Variants in TRHDE observed in about 807,000 individuals in gnomAD.
TRHDE encodes thyrotropin releasing hormone degrading enzyme, also known as thyrotropin-releasing hormone-degrading ectoenzyme.
A neutral mutation model predicts 125.7 loss-of-function variants in TRHDE; 72 were observed. The observed-to-expected ratio is 0.57, with a 90% CI of 0.47 to 0.70. The LOEUF (loss-of-function observed/expected upper bound fraction) is 0.70, where lower values mean the gene tolerates loss of function less well. Among genes scored for constraint, TRHDE ranks in the 30% least tolerant of loss-of-function variants. The pLI is 0.00. For synonymous variants in TRHDE, 509 were observed against 509.1 expected, an observed-to-expected ratio of 1.00 and a Z score of 0.00; for missense variants, 1,110 against 1,327.1, an observed-to-expected ratio of 0.84 and a Z score of 2.54.
At chr12:72,214,990 C>T (rs1302844541) in intron 2 of TRHDE, among the ~76,000 whole-genome samples, 1 of 152,092 alleles carries the variant, frequency 6.6e-6, no homozygotes, top group East Asian at 1.9e-4. Flanking sequence ...TGAGTGCCTT[C>T]TTTGTGTTAG....
chr12:72,237,167 A>G (rs778696541), intron 2 of TRHDE, among the ~76,000 whole-genome samples: 6 of 152,228 alleles, frequency 3.9e-5, no homozygotes, highest in Admixed American at 2.0e-4. Flanking sequence ...AGATATTATC[A>G]TTCACTTTAC....
intron 2 of TRHDE, among the ~76,000 whole-genome samples, chr12:72,114,820 T>C (rs1321379674): frequency 6.6e-6 from 1 of 152,080 alleles, no homozygotes; most frequent in Non-Finnish European, 1.5e-5. Context: ...TGTTTGTTTC[T>C]GTGGTAATTT....
intron 2 of TRHDE, among the ~76,000 whole-genome samples, chr12:72,164,127 C>A (rs1592465562): frequency 6.8e-6 from 1 of 147,732 alleles, no homozygotes; most frequent in Admixed American, 6.6e-5. Flanking sequence ...AAACAAACAA[C>A]AAAACAACAA....
chr12:72,312,375 A>T (rs1029513681), intron 2 of TRHDE, among the ~76,000 whole-genome samples: 4 of 152,226 alleles, frequency 2.6e-5, no homozygotes, highest in South Asian at 2.1e-4. Flanking sequence ...TTTTCTATAT[A>T]TAGGAGGTTA....
At chr12:72,638,263 C>G (rs1403422243) in intron 15 of TRHDE, among the ~76,000 whole-genome samples, 115 of 150,300 alleles carry the variant, frequency 7.7e-4, no homozygotes, top group African/African-American at 2.6e-3. Context: ...ATGTAATGGC[C>G]TTCTTTGTCT....
chr12:72,096,134 T>TATACACACACAC (rs1555218842), intron 1 of TRHDE, among the ~76,000 whole-genome samples: 2 of 145,100 alleles, frequency 1.4e-5, no homozygotes, highest in African/African-American at 5.1e-5. Flanking sequence ...CTTATGTGTA[T>TATACACACACAC]ACACACACAC....
At chr12:72,131,480 T>A (rs2139308237) in intron 2 of TRHDE, among the ~76,000 whole-genome samples, 1 of 152,264 alleles carries the variant, frequency 6.6e-6, no homozygotes, top group East Asian at 1.9e-4. Context: ...ATAGATTTTT[T>A]TAAAATTATC....
intron 1 of TRHDE, among the ~76,000 whole-genome samples, chr12:72,105,198 A>ACC (rs1875157080): frequency 6.6e-6 from 1 of 152,198 alleles, no homozygotes; most frequent in African/African-American, 2.4e-5. Flanking sequence ...TACATGGTTA[A>ACC]AATTCTGGGT....
chr12:72,178,194 T>A (rs945147067), intron 2 of TRHDE, among the ~76,000 whole-genome samples: 4 of 152,100 alleles, frequency 2.6e-5, no homozygotes, highest in Non-Finnish European at 5.9e-5. Flanking sequence ...AGTATTTACT[T>A]TGACTTAGTT....
intron 2 of TRHDE, among the ~76,000 whole-genome samples, chr12:72,132,294 G>A (rs1452342728): frequency 1.3e-5 from 2 of 152,080 alleles, no homozygotes; most frequent in South Asian, 2.1e-4. Flanking sequence ...AAGAGCTGGG[G>A]TTTCATAGCC....
chr12:72,654,395 AT>A (rs1257663392), intron 17 of TRHDE, among the ~76,000 whole-genome samples: 1 of 152,038 alleles, frequency 6.6e-6, no homozygotes, highest in Non-Finnish European at 1.5e-5. Flanking sequence ...TCCTCTGTCG[AT>A]TTTTTGAATG....
intron 5 of TRHDE, among the ~76,000 whole-genome samples, chr12:72,498,808 C>G (rs1878023644): frequency 6.6e-6 from 1 of 152,120 alleles, no homozygotes; most frequent in South Asian, 2.1e-4. Context: ...TTTCTATTTT[C>G]ATTTCTTCAT....
intron 2 of TRHDE, among the ~76,000 whole-genome samples, chr12:72,191,755 G>A (rs187214935): frequency 1.6e-4 from 24 of 152,084 alleles, no homozygotes; most frequent in Admixed American, 1.2e-3. Context: ...AATGTTTAGA[G>A]ATGTCAACAT....
chr12:72,280,528 G>A (rs993308538), intron 1 of TRHDE, among the ~76,000 whole-genome samples: 3 of 152,044 alleles, frequency 2.0e-5, no homozygotes, highest in African/African-American at 7.3e-5. Context: ...AAAGAAGGTG[G>A]GAAGGAAGAA....
intron 2 of TRHDE, among the ~76,000 whole-genome samples, chr12:72,149,597 T>C (rs1019966229): frequency 2.0e-5 from 3 of 152,020 alleles, no homozygotes; most frequent in African/African-American, 7.2e-5. Context: ...CTTTTTTTTT[T>C]CCCTTCAGAA....
Position 72,312,330 on chromosome 12 carries a change from A to G in TRHDE, c.1188+25376A>G, listed in dbSNP as rs376046793. ...CAGAGCATCAACTTTATGATTATGT[A>G]CAATTGTTCAACAAATAACAGGAAT... On this transcript the variant is annotated intron_variant, in intron 2 of 18. Coordinates refer to ENST00000261180, the MANE Select transcript of TRHDE (RefSeq NM_013381.3). Among the ~76,000 whole-genome samples, 16 of 152,336 alleles carry G rather than the reference A, an allele frequency of 1.1e-4. No individual in the cohort carries two copies. In the South Asian group the frequency reaches 1.7e-3, roughly 16 times the overall value.
chr12:72,441,405 G>A (rs942570974), intron 3 of TRHDE, among the ~76,000 whole-genome samples: 2 of 151,824 alleles, frequency 1.3e-5, no homozygotes, highest in Non-Finnish European at 2.9e-5. Context: ...CCTCCATGAT[G>A]ACTGTCTTGC....
At chr12:72,257,663 A>G (rs1262884585) in intron 2 of TRHDE, 1 of 152,130 alleles carries the variant, frequency 6.6e-6, no homozygotes, top group Non-Finnish European at 1.5e-5. Context: ...TCTTCTTTCT[A>G]TCTCCCCTTT....
At chr12:72,213,407 G>A (rs1167466303) in intron 2 of TRHDE, among the ~76,000 whole-genome samples, 1 of 152,050 alleles carries the variant, frequency 6.6e-6, no homozygotes, top group African/African-American at 2.4e-5. Context: ...GTTAGCAAAG[G>A]CACTTTTCTA....
Sources: allele counts gnomAD v4.1 joint callset (sites outside exome capture counted in the v4.1 genomes callset), GRCh38; gene constraint gnomAD v4.1.1; transcripts MANE v1.5; gene names NCBI Gene and HGNC (gene_info 2026-07-23, HGNC 2026-07-21).